SLC35F3: variants seen among roughly 807,000 people sequenced by gnomAD.
SLC35F3 encodes solute carrier family 35 member F3.
Under a neutral mutation model 49.9 loss-of-function variants are expected in SLC35F3, and 25 were observed. That is an observed-to-expected ratio of 0.50 (90% confidence interval 0.37 to 0.70). SLC35F3 has a LOEUF of 0.70. Among genes scored for constraint, SLC35F3 ranks in the 30% least tolerant of loss-of-function variants. The probability of loss-of-function intolerance (pLI) is 0.00; values close to 1 mark genes in which losing one functional copy is unlikely to be tolerated. For missense variants in SLC35F3, 525 were observed against 639.8 expected (o/e 0.82, Z 1.94); for synonymous variants, 275 against 265.4 (o/e 1.04, Z -0.35).
At chr1:233,970,666 A>G (rs777960215) in intron 2 of SLC35F3, among the ~76,000 whole-genome samples, 1 of 152,216 alleles carries the variant, frequency 6.6e-6, no homozygotes, top group Non-Finnish European at 1.5e-5. Context: ...CCAATCCAAT[A>G]GGCCTTGTGT....
intron 2 of SLC35F3, among the ~76,000 whole-genome samples, chr1:234,169,377 G>T (rs960820656): frequency 1.3e-5 from 2 of 152,178 alleles, no homozygotes; most frequent in Non-Finnish European, 2.9e-5. Flanking sequence ...TCATCATGAG[G>T]AGGTCCGGGT....
chr1:234,069,922 A>G (rs1664687807), intron 2 of SLC35F3, among the ~76,000 whole-genome samples: 1 of 152,084 alleles, frequency 6.6e-6, no homozygotes, highest in South Asian at 2.1e-4. Flanking sequence ...TGCCTGGAGG[A>G]TACCCTTCAT....
intron 2 of SLC35F3, among the ~76,000 whole-genome samples, chr1:234,019,460 G>A (rs543027123): frequency 1.1e-4 from 16 of 152,266 alleles, no homozygotes; most frequent in African/African-American, 3.9e-4. Flanking sequence ...AAGTCCAGCG[G>A]GCTGGAAGCT....
chr1:234,011,460 G>C (rs1663719133), intron 2 of SLC35F3, among the ~76,000 whole-genome samples: 1 of 152,030 alleles, frequency 6.6e-6, no homozygotes, highest in Non-Finnish European at 1.5e-5. Flanking sequence ...TTCCAGTTAA[G>C]GGTCACAAAT....
chr1:234,086,946 C>T (rs1159220240), intron 2 of SLC35F3, among the ~76,000 whole-genome samples: 2 of 152,168 alleles, frequency 1.3e-5, no homozygotes, highest in Non-Finnish European at 2.9e-5. Flanking sequence ...TTGAATTTCC[C>T]CAGGTATAAT....
intron 2 of SLC35F3, among the ~76,000 whole-genome samples, chr1:234,058,035 A>T (rs1311512594): frequency 6.6e-6 from 1 of 152,118 alleles, no homozygotes; most frequent in Non-Finnish European, 1.5e-5. Flanking sequence ...TTGAGTGGGA[A>T]GGCATCCATT....
At chr1:234,088,227 T>G (rs1664988806) in intron 2 of SLC35F3, among the ~76,000 whole-genome samples, 2 of 152,176 alleles carry the variant, frequency 1.3e-5, no homozygotes, top group South Asian at 4.1e-4. Context: ...TCTTGCTCTG[T>G]TGTTTTGAGA....
chr1:234,129,019 G>T (rs994053718), intron 2 of SLC35F3, among the ~76,000 whole-genome samples: 1 of 152,206 alleles, frequency 6.6e-6, no homozygotes, highest in African/African-American at 2.4e-5. Context: ...TTTTTGTCCA[G>T]CACTAGAAGA....
intron 3 of SLC35F3, among the ~76,000 whole-genome samples, chr1:234,286,222 A>G (rs1196180629): frequency 1.3e-5 from 2 of 152,242 alleles, no homozygotes; most frequent in African/African-American, 2.4e-5. Flanking sequence ...CTAGGAGGTG[A>G]TAAGGGCAGA....
chr1:234,165,056 G>C (rs1666294019), intron 2 of SLC35F3, among the ~76,000 whole-genome samples: 1 of 151,280 alleles, frequency 6.6e-6, no homozygotes, highest in Admixed American at 6.6e-5. Context: ...GTGTGTGTGT[G>C]TGTGTGTGTG....
chr1:234,319,542 A>T (rs970948696), intron 6 of SLC35F3, among the ~76,000 whole-genome samples: 1 of 151,944 alleles, frequency 6.6e-6, no homozygotes, highest in Admixed American at 6.6e-5. Flanking sequence ...ATCTCCATAA[A>T]CATTTAAAAA....
intron 2 of SLC35F3, among the ~76,000 whole-genome samples, chr1:234,194,764 T>A (rs1666782291): frequency 6.6e-6 from 1 of 151,854 alleles, no homozygotes; most frequent in Non-Finnish European, 1.5e-5. Flanking sequence ...TTGGAGGAGG[T>A]GATTCTAATA....
intron 2 of SLC35F3, among the ~76,000 whole-genome samples, chr1:233,973,701 CCACTG>C (rs1400802568): frequency 6.6e-6 from 1 of 152,184 alleles, no homozygotes; most frequent in Non-Finnish European, 1.5e-5. Flanking sequence ...GCAGACACTT[CCACTG>C]AGGTGTGGAA....
intron 2 of SLC35F3, among the ~76,000 whole-genome samples, chr1:234,002,010 C>T (rs75773427): frequency 0.1 from 15,672 of 152,234 alleles, 1,309 homozygotes; most frequent in East Asian, 0.42. Flanking sequence ...CACTGACTCA[C>T]CCTGTAGGAG....
chr1:233,959,338 T>C (rs1332468681), intron 2 of SLC35F3, among the ~76,000 whole-genome samples: 2 of 152,158 alleles, frequency 1.3e-5, no homozygotes, highest in East Asian at 1.9e-4. Context: ...TAACGACTTT[T>C]TGCCCTTAAC....
rs566816621 is a variant in SLC35F3 at position 233,913,465 on chromosome 1, A to C, written c.283+7707A>C. 2.3e-3 allele frequency among the ~76,000 whole-genome samples: 345 copies of C among 152,294 alleles called. 2 individuals carry two copies. Among genetic ancestry groups the C allele is most frequent in the Middle Eastern group, 6.8e-3 (2 of 294 alleles). On this transcript the variant is annotated intron_variant, in intron 2 of 7. Coordinates refer to ENST00000366618, the MANE Select transcript of SLC35F3 (RefSeq NM_173508.4). ...TTTACATAGTCACGACTAGTTTAAG[A>C]ATGTGGCTGAAGCTGTTGCAGATAG...
chr1:233,961,463 T>C (rs1662801594), intron 2 of SLC35F3, among the ~76,000 whole-genome samples: 1 of 150,498 alleles, frequency 6.6e-6, no homozygotes, highest in Admixed American at 6.6e-5. Flanking sequence ...CTCTTTTTTT[T>C]TTTTTTTTCT....
chr1:233,954,301 C>T (rs182328671), intron 2 of SLC35F3, among the ~76,000 whole-genome samples: 10 of 151,864 alleles, frequency 6.6e-5, no homozygotes, highest in East Asian at 5.9e-4. Flanking sequence ...CCACTGCTCC[C>T]GGCCTAGAGC....
chr1:233,984,657 G>A (rs1173086285), intron 2 of SLC35F3, among the ~76,000 whole-genome samples: 1 of 152,156 alleles, frequency 6.6e-6, no homozygotes, highest in Non-Finnish European at 1.5e-5. Flanking sequence ...AGAAAAGAAT[G>A]TTGTCTCTGG....
Sources: allele counts gnomAD v4.1 joint callset (sites outside exome capture counted in the v4.1 genomes callset), GRCh38; gene constraint gnomAD v4.1.1; transcripts MANE v1.5; gene names NCBI Gene and HGNC (gene_info 2026-07-23, HGNC 2026-07-21).